The following SLC30A8 variants were observed in gnomAD, a reference collection of about 807,000 sequenced individuals.
SLC30A8 encodes the protein solute carrier family 30 member 8, also known as proton-coupled zinc antiporter SLC30A8.
A neutral mutation model predicts 36.9 loss-of-function variants in SLC30A8; 27 were observed. The ratio of observed to expected loss-of-function variants is 0.73; its 90% CI spans 0.54 to 1.01. SLC30A8 has a LOEUF of 1.01. SLC30A8 is among the 50% of genes least tolerant of loss of function. The pLI is 0.00. For missense variants in SLC30A8, 439 were observed against 452.0 expected (o/e 0.97, Z 0.26); for synonymous variants, 164 against 172.4 (o/e 0.95, Z 0.38).
At chr8:117,154,830 G>T (rs541131712) in intron 3 of SLC30A8, among the ~76,000 whole-genome samples, 33 of 152,234 alleles carry the variant, frequency 2.2e-4, no homozygotes, top group Middle Eastern at 6.8e-3. Context: ...TTAGATCTCT[G>T]CTTGTACTTT....
At chr8:117,028,622 A>G (rs1432917079) in intron 1 of SLC30A8, among the ~76,000 whole-genome samples, 1 of 151,572 alleles carries the variant, frequency 6.6e-6, no homozygotes, top group Admixed American at 6.6e-5. Context: ...CTTTTTGTTG[A>G]AGTAGAAATA....
At chr8:117,024,492 C>T in intron 1 of SLC30A8, among the ~76,000 whole-genome samples, 1 of 152,206 alleles carries the variant, frequency 6.6e-6, no homozygotes, top group Admixed American at 6.5e-5. Flanking sequence ...CCTGCATCTT[C>T]CTTATGGCAA....
At chr8:116,958,208 C>T in intron 1 of SLC30A8, among the ~76,000 whole-genome samples, 1 of 152,152 alleles carries the variant, frequency 6.6e-6, no homozygotes, top group East Asian at 1.9e-4. Flanking sequence ...GGCAGGGGTG[C>T]GGTCAACATT....
chr8:117,111,513 T>C (rs954705609), intron 2 of SLC30A8, among the ~76,000 whole-genome samples: 1 of 152,148 alleles, frequency 6.6e-6, no homozygotes, highest in Non-Finnish European at 1.5e-5. Context: ...TTCCAGACCA[T>C]GACAGAGTAC....
At chr8:116,973,642 C>T (rs1814870903) in intron 1 of SLC30A8, among the ~76,000 whole-genome samples, 1 of 152,100 alleles carries the variant, frequency 6.6e-6, no homozygotes, top group Non-Finnish European at 1.5e-5. Flanking sequence ...CAGTGCCATC[C>T]CCATCAAGCT....
chr8:117,104,558 TCTTTA>T (rs1473618623), intron 2 of SLC30A8, among the ~76,000 whole-genome samples: 5 of 152,138 alleles, frequency 3.3e-5, no homozygotes, highest in Non-Finnish European at 1.5e-5. Context: ...CAGTCCTCCT[TCTTTA>T]CTTCTTTCTG....
intron 1 of SLC30A8, among the ~76,000 whole-genome samples, chr8:116,993,567 C>T (rs1815719600): frequency 6.6e-6 from 1 of 151,910 alleles, no homozygotes; most frequent in Non-Finnish European, 1.5e-5. Flanking sequence ...AGCATCTAAA[C>T]CTAATCACCA....
intron 2 of SLC30A8, among the ~76,000 whole-genome samples, chr8:117,126,678 T>C (rs1820919365): frequency 6.6e-6 from 1 of 152,022 alleles, no homozygotes; most frequent in African/African-American, 2.4e-5. Context: ...TGGAAAGAGC[T>C]GAAGCCCCTA....
At chr8:117,134,086 A>C (rs1162175185), upstream of SLC30A8, among the ~76,000 whole-genome samples, 3 of 151,930 alleles carry the variant, frequency 2.0e-5, no homozygotes, top group Non-Finnish European at 4.4e-5. Flanking sequence ...GCCTATGACA[A>C]TTGGCATTGA....
intron 2 of SLC30A8, among the ~76,000 whole-genome samples, chr8:117,094,431 T>C (rs1433704139): frequency 6.6e-6 from 1 of 152,020 alleles, no homozygotes; most frequent in African/African-American, 2.4e-5. Context: ...TAGCCCTCAG[T>C]AGAGGGGAGA....
chr8:117,032,632 G>A (rs1389696680), intron 1 of SLC30A8, among the ~76,000 whole-genome samples: 1 of 152,212 alleles, frequency 6.6e-6, no homozygotes, highest in Non-Finnish European at 1.5e-5. Context: ...GCTGATGCCT[G>A]TAATCCTGGC....
At chr8:117,067,239 G>A (rs1212253071) in intron 2 of SLC30A8, among the ~76,000 whole-genome samples, 6 of 152,120 alleles carry the variant, frequency 3.9e-5, no homozygotes, top group Non-Finnish European at 8.8e-5. Context: ...GCAATTCAAG[G>A]TGAGATTTGG....
chr8:116,985,846 G>T (rs1815425580), intron 1 of SLC30A8, among the ~76,000 whole-genome samples: 1 of 151,816 alleles, frequency 6.6e-6, no homozygotes, highest in Non-Finnish European at 1.5e-5. Flanking sequence ...CATGGGGTGT[G>T]CATGCATATG....
At chr8:116,965,397 A>G (rs1814568021) in intron 1 of SLC30A8, among the ~76,000 whole-genome samples, 1 of 152,268 alleles carries the variant, frequency 6.6e-6, no homozygotes, top group South Asian at 2.1e-4. Flanking sequence ...AGGGAAATGT[A>G]AAAGTAACAA....
At chr8:117,129,045 T>TA (rs1369579055) in intron 2 of SLC30A8, among the ~76,000 whole-genome samples, 1 of 152,066 alleles carries the variant, frequency 6.6e-6, no homozygotes, top group African/African-American at 2.4e-5. Context: ...TCAGGTGTGC[T>TA]AGTCTTGAGA....
intron 4 of SLC30A8, among the ~76,000 whole-genome samples, chr8:117,159,241 G>C (rs1445792534): frequency 6.6e-6 from 1 of 152,162 alleles, no homozygotes. Flanking sequence ...AGAAGCAATA[G>C]GAAACTCAGC....
intron 2 of SLC30A8, among the ~76,000 whole-genome samples, chr8:117,120,829 C>T (rs73317604): frequency 0.057 from 8,615 of 151,710 alleles, 661 homozygotes; most frequent in African/African-American, 0.17. Context: ...AGGGCTTGAA[C>T]AGACATTTCT....
chr8:117,028,265 A>G (rs886082871), intron 1 of SLC30A8, among the ~76,000 whole-genome samples: 5 of 152,206 alleles, frequency 3.3e-5, no homozygotes, highest in African/African-American at 1.2e-4. Context: ...TCAGATGGAA[A>G]TGTTAATAGT....
chr8:117,063,649 A>G (rs1246877582), intron 2 of SLC30A8, among the ~76,000 whole-genome samples: 1 of 152,224 alleles, frequency 6.6e-6, no homozygotes, highest in Non-Finnish European at 1.5e-5. Context: ...AGAATCAGAA[A>G]AAGTGGGACA....
Sources: allele counts gnomAD v4.1 joint callset (sites outside exome capture counted in the v4.1 genomes callset), GRCh38; gene constraint gnomAD v4.1.1; transcripts MANE v1.5; gene names NCBI Gene and HGNC (gene_info 2026-07-23, HGNC 2026-07-21).